The following ELFN1 variants were observed in gnomAD, a reference collection of about 807,000 sequenced individuals.
The protein encoded by ELFN1 is extracellular leucine rich repeat and fibronectin type III domain containing 1.
Under a neutral mutation model 7.6 loss-of-function variants are expected in ELFN1, and 6 were observed. The ratio of observed to expected loss-of-function variants is 0.79; its 90% CI spans 0.43 to 1.56. ELFN1 has a LOEUF of 1.56. ELFN1 is among the 40% of genes most tolerant of loss of function. ELFN1 has a pLI of 0.01. For synonymous variants in ELFN1, 657 were observed against 588.1 expected (o/e 1.12, Z -1.70); for missense variants, 1,169 against 1,232.2 (o/e 0.95, Z 0.77).
chr7:1,723,943 G>A (rs1443120477), intron 3 of ELFN1, among the ~76,000 whole-genome samples: 1 of 152,188 alleles, frequency 6.6e-6, no homozygotes, highest in South Asian at 2.1e-4. Flanking sequence ...TCCCATTGAG[G>A]CCACTCATTC....
chr7:1,699,962 A>G (rs1461745501), intron 2 of ELFN1, among the ~76,000 whole-genome samples: 2 of 151,758 alleles, frequency 1.3e-5, no homozygotes, highest in African/African-American at 4.8e-5. Flanking sequence ...AGCCTCCCAA[A>G]GTGCTGGGAT....
Position 1,746,966 on chromosome 7 carries a change from A to G in ELFN1, c.2370A>G (p.Glu790=). The G allele has an allele frequency of 1.3e-6, 2 of 1,554,944 alleles. No homozygotes were observed. Among genetic ancestry groups the G allele is most frequent in the African/African-American group, 2.7e-5 (2 of 73,256 alleles). Reference sequence around the variant, plus strand: ...TGAGCCGCCGGCGGCACAAGGAGGAAGAGGAGTTCATGGCCGCGGGCCATG... The same window carrying G: ...TGAGCCGCCGGCGGCACAAGGAGGAGGAGGAGTTCATGGCCGCGGGCCATG... The part of the protein sequence containing the change: ...FRLSRRRHKE[E]EEFMAAGHAL... Residue 790 remains glutamate, a synonymous_variant, in exon 4 of 4, where the codon GAA becomes GAG. Coordinates refer to ENST00000424383, the MANE Select transcript of ELFN1 (RefSeq NM_001128636.4).
intron 3 of ELFN1, among the ~76,000 whole-genome samples, chr7:1,723,305 C>T (rs991563178): frequency 1.3e-5 from 2 of 152,248 alleles, no homozygotes; most frequent in African/African-American, 4.8e-5. Context: ...TGCGACAGAC[C>T]TCCACAACGT....
At position 1,706,163 on chromosome 7, in the gene ELFN1, G is replaced by A. The variant is rs113630794; in HGVS notation, c.-455-2928G>A. On this transcript the variant is annotated intron_variant, in intron 2 of 3. Coordinates refer to ENST00000424383, the MANE Select transcript of ELFN1 (RefSeq NM_001128636.4). ...CAGCTGGCTGGGCACCGTGGCTCACGCCTGTTATCCCAGCACTTTGAGAGG... is the reference window on the plus strand; with the variant it reads ...CAGCTGGCTGGGCACCGTGGCTCACACCTGTTATCCCAGCACTTTGAGAGG... Among the ~76,000 whole-genome samples the A allele has an allele frequency of 3.3e-3, 506 of 152,308 alleles. 3 individuals are homozygous for A. Among genetic ancestry groups the A allele is most frequent in the African/African-American group, 0.011 (468 of 41,574 alleles).
chr7:1,676,007 C>G (rs778619357), intron 1 of ELFN1, among the ~76,000 whole-genome samples: 17 of 152,150 alleles, frequency 1.1e-4, no homozygotes, highest in Non-Finnish European at 2.5e-4. Flanking sequence ...TGCCTGGCCC[C>G]CGCACTGGTC....
rs3077247 is a variant in ELFN1, at chr7:1,747,313, C to CACAGACACACACACAG, written c.*233_*234insGACACACACACAGACA. On this transcript the variant is annotated 3_prime_UTR_variant, in exon 4 of 4. Coordinates refer to ENST00000424383, the MANE Select transcript of ELFN1 (RefSeq NM_001128636.4). Reference sequence around the variant, plus strand: ...CGGGTGGCACGTGTCCACACACACACACACACACACACACACACACACGAG... The same window carrying CACAGACACACACACAG: ...CGGGTGGCACGTGTCCACACACACACACAGACACACACACAGACACACACACACACACACACACGAG... The CACAGACACACACACAG allele has an allele frequency of 3.6e-6, 1 of 279,826 alleles. No homozygotes were observed. The highest frequency in any genetic ancestry group is 1.0e-3 in the Middle Eastern group (1 of 970). 17.3% of individuals were successfully genotyped at this position (279,826 alleles called of 1,614,324 possible).
chr7:1,682,448 T>A (rs767789450), intron 1 of ELFN1, among the ~76,000 whole-genome samples: 22 of 151,670 alleles, frequency 1.5e-4, no homozygotes, highest in Non-Finnish European at 2.1e-4. Context: ...ATTTTATTTT[T>A]TTTATTTTCA....
At chr7:1,666,391 C>T (rs1158150297), upstream of ELFN1, among the ~76,000 whole-genome samples, 1 of 151,984 alleles carries the variant, frequency 6.6e-6, no homozygotes, top group African/African-American at 2.4e-5. This position sits in a 1 kb window ranked among gnomAD's most constrained non-coding sequence, Gnocchi z 7.9. Flanking sequence ...CCGAGTCTCC[C>T]CGCCCGCGGG....
chr7:1,726,046 ACT>A (rs553947270), intron 3 of ELFN1, among the ~76,000 whole-genome samples: 23 of 151,992 alleles, frequency 1.5e-4, no homozygotes, highest in Middle Eastern at 6.8e-3. Context: ...CAAAAATCAC[ACT>A]CACACACAAT....
intron 1 of ELFN1, among the ~76,000 whole-genome samples, chr7:1,674,069 C>T (rs983586540): frequency 2.0e-5 from 3 of 151,964 alleles, no homozygotes; most frequent in Non-Finnish European, 4.4e-5. Context: ...GACCACTGCT[C>T]TGCTCCCTGC....
At chr7:1,732,099 T>C (rs920330767) in intron 3 of ELFN1, among the ~76,000 whole-genome samples, 2 of 152,086 alleles carry the variant, frequency 1.3e-5, no homozygotes, top group African/African-American at 2.4e-5. Flanking sequence ...TAGGTGGAGA[T>C]AGATGGGAAT....
Position 1,702,420 on chromosome 7 carries a change from C to T in ELFN1, c.-455-6671C>T, listed in dbSNP as rs147773793. Among the ~76,000 whole-genome samples the T allele has an allele frequency of 1.2e-4, 18 of 146,432 alleles. 1 individual carries two copies. The South Asian group carries it at 2.1e-3, about 17-fold the overall frequency. On this transcript the variant is annotated intron_variant, in intron 2 of 3. Transcript: ENST00000424383. ...CCTGGGCGACAGAACGAGACTCCGT[C>T]GGGGGGGAAAAAAAAAAAGAAGAAG...
intron 3 of ELFN1, among the ~76,000 whole-genome samples, chr7:1,743,035 C>T (rs1562389019): frequency 6.6e-6 from 1 of 152,160 alleles, no homozygotes; most frequent in African/African-American, 2.4e-5. Context: ...AAAACACAGG[C>T]GGCCGGGAGG....
chr7:1,724,734 C>T (rs989419984), intron 3 of ELFN1, among the ~76,000 whole-genome samples: 19 of 152,160 alleles, frequency 1.2e-4, no homozygotes, highest in African/African-American at 4.1e-4. Context: ...TCACAGAGGC[C>T]GGGTGTGTCT....
Position 1,695,015 on chromosome 7 carries a change from G to A in ELFN1, c.-456+6865G>A, listed in dbSNP as rs1379586887. Reference sequence around the variant, plus strand: ...CCTGCCCTCCCTGTTGAGTGCTGCAGAGGGGCGTCGGGCGTCGTGCACATG... The same window carrying A: ...CCTGCCCTCCCTGTTGAGTGCTGCAAAGGGGCGTCGGGCGTCGTGCACATG... On this transcript the variant is annotated intron_variant, in intron 2 of 3. Coordinates refer to ENST00000424383, the MANE Select transcript of ELFN1 (RefSeq NM_001128636.4). This position sits in a 1 kb window ranked among gnomAD's most constrained non-coding sequence, Gnocchi z 5.1. Among the ~76,000 whole-genome samples, 1 of 152,244 alleles carries A rather than the reference G, an allele frequency of 6.6e-6. No homozygotes were observed. Among genetic ancestry groups the A allele is most frequent in the East Asian group, 1.9e-4 (1 of 5,192 alleles).
intron 3 of ELFN1, among the ~76,000 whole-genome samples, chr7:1,728,004 C>T (rs1045737404): frequency 8.5e-5 from 13 of 152,220 alleles, no homozygotes; most frequent in African/African-American, 2.4e-4. Context: ...TGAGAGAGGC[C>T]GAGAGGTCCA....
chr7:1,667,970 G>T (rs1027939913), upstream of ELFN1, among the ~76,000 whole-genome samples: 15 of 142,582 alleles, frequency 1.1e-4, no homozygotes, highest in Admixed American at 2.7e-4. This position sits in a 1 kb window ranked among gnomAD's most constrained non-coding sequence, Gnocchi z 8.2. Context: ...CGGGGTGGGG[G>T]GGGGGGGCGG....
chr7:1,668,578 G>C (rs558462958), upstream of ELFN1, among the ~76,000 whole-genome samples: 3 of 152,368 alleles, frequency 2.0e-5, 1 homozygote, highest in African/African-American at 7.2e-5. Flanking sequence ...TTCCAAGCGT[G>C]ACCAAGGAAG....
intron 3 of ELFN1, among the ~76,000 whole-genome samples, chr7:1,741,501 G>A (rs1248771221): frequency 1.3e-5 from 2 of 152,184 alleles, no homozygotes; most frequent in Admixed American, 6.5e-5. Flanking sequence ...AGCTGGGTGG[G>A]GAGGTGAGGC....
Sources: allele counts gnomAD v4.1 joint callset (sites outside exome capture counted in the v4.1 genomes callset), GRCh38; gene constraint gnomAD v4.1.1; non-coding constraint Gnocchi (gnomAD v3.1); transcripts MANE v1.5; gene names NCBI Gene and HGNC (gene_info 2026-07-23, HGNC 2026-07-21).